The following ADAMTS20 variants were observed in gnomAD, a reference collection of about 807,000 sequenced individuals.
ADAMTS20 encodes the protein ADAM metallopeptidase with thrombospondin type 1 motif 20, also known as A disintegrin and metalloproteinase with thrombospondin motifs 20.
In ADAMTS20, 225 loss-of-function variants were observed where a neutral mutation model predicts 260.1. The ratio of observed to expected loss-of-function variants is 0.87; its 90% CI spans 0.78 to 0.97. The LOEUF (loss-of-function observed/expected upper bound fraction) is 0.97, where lower values mean the gene tolerates loss of function less well. ADAMTS20 is among the 50% of genes least tolerant of loss of function. The pLI, the probability that ADAMTS20 is intolerant of heterozygous loss-of-function variation, is 0.00. For synonymous variants in ADAMTS20, 802 were observed against 769.5 expected (o/e 1.04, Z -0.70); for missense variants, 2,400 against 2,337.7 (o/e 1.03, Z -0.55).
intron 28 of ADAMTS20, among the ~76,000 whole-genome samples, chr12:43,412,900 T>C (rs1941060029): frequency 7.9e-6 from 1 of 126,716 alleles, no homozygotes; most frequent in Non-Finnish European, 1.6e-5. Context: ...AAGCTCCACC[T>C]CCCAGGTTCA....
chr12:43,488,211 G>A (rs900907020), intron 7 of ADAMTS20, among the ~76,000 whole-genome samples: 1 of 151,964 alleles, frequency 6.6e-6, no homozygotes, highest in African/African-American at 2.4e-5. Flanking sequence ...AGGTATGGAT[G>A]TGGTTATAGA....
intron 3 of ADAMTS20, among the ~76,000 whole-genome samples, chr12:43,524,744 A>C (rs1565581909): frequency 6.6e-6 from 1 of 152,214 alleles, no homozygotes; most frequent in African/African-American, 2.4e-5. Flanking sequence ...GCAGACTAGA[A>C]CAATTACAAT....
intron 3 of ADAMTS20, among the ~76,000 whole-genome samples, chr12:43,514,498 G>A (rs918465578): frequency 6.9e-6 from 1 of 144,130 alleles, no homozygotes; most frequent in Non-Finnish European, 1.5e-5. Flanking sequence ...GGAGGCAGAG[G>A]TTGCAGTGAG....
chr12:43,491,783 G>A (rs572189457), intron 6 of ADAMTS20, among the ~76,000 whole-genome samples: 1 of 152,216 alleles, frequency 6.6e-6, no homozygotes, highest in South Asian at 2.1e-4. Flanking sequence ...CCAAAAAGTG[G>A]ACAAACGAAA....
In ADAMTS20 at chr12:43,407,078, G is replaced by T. The variant is rs562531219; in HGVS notation, c.4285-7845C>A. Among the ~76,000 whole-genome samples, 5 of 152,022 alleles carry T rather than the reference G, an allele frequency of 3.3e-5. 1 individual carries two copies. The highest frequency in any genetic ancestry group is 9.6e-5 in the African/African-American group (4 of 41,526). Reference sequence around the variant, plus strand: ...AGTTTGAAAATGTCCTTTTTAACTTGTTACAGGCATTCTTTGACTATTCAG... The same window carrying T: ...AGTTTGAAAATGTCCTTTTTAACTTTTTACAGGCATTCTTTGACTATTCAG... On this transcript the variant is annotated intron_variant, in intron 28 of 38. Coordinates refer to ENST00000389420, the MANE Select transcript of ADAMTS20 (RefSeq NM_025003.5).
chr12:43,459,673 T>C (rs116007708), intron 11 of ADAMTS20, among the ~76,000 whole-genome samples: 2,065 of 152,306 alleles, frequency 0.014, 52 homozygotes, highest in African/African-American at 0.047. Flanking sequence ...TGTTAAATCT[T>C]TGCTGATTGA....
chr12:43,501,144 T>G (rs1174038649), intron 4 of ADAMTS20, among the ~76,000 whole-genome samples: 1 of 142,362 alleles, frequency 7.0e-6, no homozygotes, highest in Non-Finnish European at 1.5e-5. Flanking sequence ...CTGCAACCTC[T>G]GCCTCCCGGG....
chr12:43,469,064 T>C (rs553092506), intron 7 of ADAMTS20, among the ~76,000 whole-genome samples: 1 of 152,174 alleles, frequency 6.6e-6, no homozygotes, highest in African/African-American at 2.4e-5. Flanking sequence ...AATGTGTTGA[T>C]TGGTAATAGA....
At chr12:43,441,282 A>C (rs963998017) in intron 16 of ADAMTS20, among the ~76,000 whole-genome samples, 7 of 151,818 alleles carry the variant, frequency 4.6e-5, no homozygotes, top group African/African-American at 1.7e-4. Context: ...ACAGACATTA[A>C]TATATACCTA....
At chr12:43,384,077 G>A in intron 29 of ADAMTS20, 100 bp from the exon 30 acceptor site, 1 of 1,079,822 alleles carries the variant, frequency 9.3e-7, no homozygotes, top group Non-Finnish European at 1.3e-6. Flanking sequence ...TTTAAATACA[G>A]CCTGGTATTA....
rs867374222 is a variant in ADAMTS20 at position 43,493,223 on chromosome 12, C to A, written c.898G>T (p.Gly300Ter). 3.2e-6 allele frequency: 5 copies of A among 1,559,320 alleles called. No homozygotes were observed. The highest frequency in any genetic ancestry group is 3.5e-6 in the Non-Finnish European group (4 of 1,150,712). ...ACCACTACTATGTGTATCAAATTTC[C>A]AATACTTGGATCTTTGTAGATTGTT... ...VATIYKDPSIGNLIHIVVVKL... is the reference protein window; with the variant it reads ...VATIYKDPSI The change falls in exon 5 of 39, where the codon GGA becomes TGA. Residue 300 changes from glycine (G) to a stop codon, truncating the protein, a stop_gained. Transcript: ENST00000389420. LOFTEE classifies it high-confidence loss of function.
chr12:43,438,220 G>T (rs1941593945), intron 18 of ADAMTS20, among the ~76,000 whole-genome samples: 1 of 152,046 alleles, frequency 6.6e-6, no homozygotes, highest in African/African-American at 2.4e-5. Flanking sequence ...TTTGAATCTT[G>T]TTATTCTCTG....
Position 43,551,060 on chromosome 12 carries a change from G to T in ADAMTS20, c.302C>A (p.Ala101Asp), listed in dbSNP as rs1237763641. The T allele has an allele frequency of 1.2e-6, 2 of 1,613,714 alleles. No homozygotes were observed. Among genetic ancestry groups the T allele is most frequent in the Non-Finnish European group, 1.7e-6 (2 of 1,179,806 alleles). Residue 101 changes from alanine (A) to aspartate (D), a missense_variant, in exon 2 of 39, where the codon GCC (alanine) becomes GAC (aspartate). Physicochemically the swap from Ala to Asp is moderately radical, Grantham distance 126 (BLOSUM62 -2). Transcript: ENST00000389420. This position sits in a 1 kb window ranked among gnomAD's most constrained non-coding sequence, Gnocchi z 4.6. ...LNLTADASFLAAGYTEVHLGT... is the reference protein window; with the variant it reads ...LNLTADASFLDAGYTEVHLGT... Reference sequence around the variant, plus strand: ...CAAGTGCACCTCGGTGTAGCCGGCGGCCAGAAAGGATGCATCGGCGGTCAG... The same window carrying T: ...CAAGTGCACCTCGGTGTAGCCGGCGTCCAGAAAGGATGCATCGGCGGTCAG...
chr12:43,451,571 C>A (rs1190224477), intron 14 of ADAMTS20, among the ~76,000 whole-genome samples: 2 of 152,082 alleles, frequency 1.3e-5, no homozygotes, highest in Non-Finnish European at 2.9e-5. Flanking sequence ...TTCCTAAAAC[C>A]TACTCATTTC....
chr12:43,468,987 G>T (rs145248484), intron 7 of ADAMTS20, among the ~76,000 whole-genome samples: 1,646 of 152,106 alleles, frequency 0.011, 20 homozygotes, highest in Middle Eastern at 0.075. Flanking sequence ...TTTTTAAAAA[G>T]AAAAGAATAT....
intron 28 of ADAMTS20, among the ~76,000 whole-genome samples, chr12:43,417,330 T>C (rs930632293): frequency 6.6e-6 from 1 of 152,220 alleles, no homozygotes; most frequent in African/African-American, 2.4e-5. Flanking sequence ...AACTGAACTA[T>C]CAAAAACTTT....
intron 2 of ADAMTS20, among the ~76,000 whole-genome samples, chr12:43,548,212 G>A (rs766969834): frequency 6.6e-6 from 1 of 152,184 alleles, no homozygotes; most frequent in Non-Finnish European, 1.5e-5. Context: ...AGAAAAAGAA[G>A]AGAACATCTC....
rs1941414983 is a variant in ADAMTS20 at position 43,430,256 on chromosome 12, T to G, written c.3381+96A>C. 15 of 1,416,400 alleles carry G rather than the reference T, an allele frequency of 1.1e-5. No homozygotes were observed. In the South Asian group the frequency reaches 2.2e-4, roughly 21 times the overall value. The allele number at this position is 1,416,400 out of a possible 1,614,324, so 87.7% of individuals were successfully genotyped here. A position where few individuals can be genotyped will look rare whatever the true frequency, so the allele number is the denominator to read the frequency against. On this transcript the variant is annotated intron_variant, in intron 23 of 38. Coordinates refer to ENST00000389420, the MANE Select transcript of ADAMTS20 (RefSeq NM_025003.5). ...ATACACGTGTTTAAGGCATACAAGT[T>G]TAAGTGGAAAAAAATAAGTAAAGAA...
chr12:43,500,963 G>A (rs1942749814), intron 4 of ADAMTS20, among the ~76,000 whole-genome samples: 2 of 151,734 alleles, frequency 1.3e-5, no homozygotes, highest in South Asian at 4.2e-4. Flanking sequence ...TCAACCAAGT[G>A]GGCCTGAATT....
Sources: allele counts gnomAD v4.1 joint callset (sites outside exome capture counted in the v4.1 genomes callset), GRCh38; gene constraint gnomAD v4.1.1; non-coding constraint Gnocchi (gnomAD v3.1); transcripts MANE v1.5; gene names NCBI Gene and HGNC (gene_info 2026-07-23, HGNC 2026-07-21).